CERS3: variants seen among roughly 807,000 people sequenced by gnomAD.
CERS3 encodes the protein ceramide synthase 3.
Under a neutral mutation model 50.3 loss-of-function variants are expected in CERS3, and 33 were observed. The ratio of observed to expected loss-of-function variants is 0.66; its 90% confidence interval spans 0.50 to 0.88. The LOEUF (loss-of-function observed/expected upper bound fraction) is 0.88, where lower values mean the gene tolerates loss of function less well. Ranked by LOEUF, CERS3 falls within the 40% of genes least tolerant of loss-of-function variation. The pLI is 0.00. For synonymous variants in CERS3, 176 were observed against 155.2 expected (o/e 1.13, Z -0.99); for missense variants, 470 against 460.3 (o/e 1.02, Z -0.19).
chr15:100,465,220 A>C (rs2034674591), intron 10 of CERS3, among the ~76,000 whole-genome samples: 1 of 152,070 alleles, frequency 6.6e-6, no homozygotes, highest in Non-Finnish European at 1.5e-5. Context: ...AAAATGTCTG[A>C]ATGGTGAAAT....
intron 2 of CERS3, among the ~76,000 whole-genome samples, chr15:100,503,049 T>C (rs1162014230): frequency 6.6e-6 from 1 of 152,254 alleles, no homozygotes; most frequent in Admixed American, 6.5e-5. Context: ...GATGTTTTAA[T>C]ATCATTGTTT....
chr15:100,434,832 C>G (rs1002348752), intron 11 of CERS3, among the ~76,000 whole-genome samples: 1 of 152,232 alleles, frequency 6.6e-6, no homozygotes, highest in East Asian at 1.9e-4. Flanking sequence ...GTCTGTTTCT[C>G]TACTAATAAA....
At chr15:100,434,967 C>A (rs893363645) in intron 11 of CERS3, among the ~76,000 whole-genome samples, 1 of 152,226 alleles carries the variant, frequency 6.6e-6, no homozygotes, top group East Asian at 1.9e-4. Flanking sequence ...CCCTCCCTCA[C>A]CCTCCTTTCC....
chr15:100,525,866 A>G (rs578111173), intron 1 of CERS3, among the ~76,000 whole-genome samples: 1 of 152,344 alleles, frequency 6.6e-6, no homozygotes, highest in East Asian at 1.9e-4. Flanking sequence ...GCCTTCTTTC[A>G]TACTGCCAAC....
chr15:100,429,861 C>T, intron 11 of CERS3, among the ~76,000 whole-genome samples: 1 of 152,110 alleles, frequency 6.6e-6, no homozygotes, highest in Non-Finnish European at 1.5e-5. Context: ...TTAATCTCCA[C>T]CAAAAGAAAA....
At chr15:100,536,184 T>C (rs566704928) in intron 1 of CERS3, among the ~76,000 whole-genome samples, 13 of 152,320 alleles carry the variant, frequency 8.5e-5, no homozygotes, top group Non-Finnish European at 1.8e-4. Flanking sequence ...GATATTCCTA[T>C]GCTCATATGT....
At chr15:100,428,312 T>A (rs1441371001) in intron 11 of CERS3, among the ~76,000 whole-genome samples, 1 of 152,254 alleles carries the variant, frequency 6.6e-6, no homozygotes, top group African/African-American at 2.4e-5. Flanking sequence ...TGTGTTTGGC[T>A]GTTCCTGCAT....
intron 11 of CERS3, among the ~76,000 whole-genome samples, chr15:100,403,948 G>A (rs1023277574): frequency 2.0e-5 from 3 of 152,234 alleles, no homozygotes; most frequent in African/African-American, 7.2e-5. Flanking sequence ...TCCTTGAGAT[G>A]AGAATAGTAT....
At chr15:100,418,241 C>T (rs1399785233) in intron 11 of CERS3, among the ~76,000 whole-genome samples, 1 of 152,022 alleles carries the variant, frequency 6.6e-6, no homozygotes, top group Non-Finnish European at 1.5e-5. Context: ...CTTAAAGGAG[C>T]TGATGGAGCT....
At chr15:100,453,548 T>C (rs1210759513) in intron 11 of CERS3, among the ~76,000 whole-genome samples, 1 of 152,194 alleles carries the variant, frequency 6.6e-6, no homozygotes, top group Non-Finnish European at 1.5e-5. Flanking sequence ...AACATCATAC[T>C]AAATGGTGAA....
chr15:100,449,681 C>A (rs778558680), intron 11 of CERS3, among the ~76,000 whole-genome samples: 6 of 152,190 alleles, frequency 3.9e-5, no homozygotes, highest in East Asian at 1.9e-4. Flanking sequence ...ATTGCATGCA[C>A]CCAGAATCAC....
intron 1 of CERS3, among the ~76,000 whole-genome samples, chr15:100,543,483 C>CTTCG: frequency 2.8e-5 from 1 of 35,838 alleles, no homozygotes; most frequent in Non-Finnish European, 6.5e-5. Flanking sequence ...CAAGAGAAGG[C>CTTCG]TTCCTTCCTT....
In CERS3 at chr15:100,506,244, GA is replaced by G. The variant is rs528450679; in HGVS notation, c.-1-4395del. On this transcript the variant is annotated intron_variant, in intron 2 of 11. Transcript: ENST00000679737. Reference sequence around the variant, plus strand: ...ATGTAAAGGACACTGACAACTCAATGAAAAAAAATGACGAATAATCCAGTTT... The same window carrying G: ...ATGTAAAGGACACTGACAACTCAATGAAAAAAATGACGAATAATCCAGTTT... 7.6e-4 allele frequency among the ~76,000 whole-genome samples: 116 copies of G among 151,942 alleles called. 2 individuals carry two copies. The South Asian group carries it at 0.024, about 31-fold the overall frequency.
intron 3 of CERS3, chr15:100,500,247 G>A (rs930056119): frequency 2.0e-5 from 3 of 152,218 alleles, no homozygotes; most frequent in Non-Finnish European, 4.4e-5. Context: ...GGCTGAGAGT[G>A]AGTTATTGGG....
rs1254249161 is a variant in CERS3, at chr15:100,401,121, C to G, written c.*1592G>C. 1 of 152,252 alleles carries G rather than the reference C, an allele frequency of 6.6e-6. No individual in the cohort carries two copies. Among genetic ancestry groups the G allele is most frequent in the African/African-American group, 2.4e-5 (1 of 41,466 alleles). 9.4% of individuals were successfully genotyped at this position (152,252 alleles called of 1,614,324 possible). ...TGTCCTTCCGGCTCCAGGGGCCCTG[C>G]AGCTGCTCTGCTTGGGGCTGATTTT... On this transcript the variant is annotated 3_prime_UTR_variant, in exon 12 of 12. Coordinates refer to ENST00000679737, the MANE Select transcript of CERS3 (RefSeq NM_001378789.1).
At chr15:100,405,310 G>A (rs1334775195) in intron 11 of CERS3, among the ~76,000 whole-genome samples, 2 of 148,672 alleles carry the variant, frequency 1.3e-5, no homozygotes, top group African/African-American at 5.0e-5. Flanking sequence ...CTTTATCAAA[G>A]AGGACACAGG....
At chr15:100,502,251 G>GAAAAAA (rs58654483) in intron 2 of CERS3, among the ~76,000 whole-genome samples, 15 of 113,674 alleles carry the variant, frequency 1.3e-4, no homozygotes, top group South Asian at 2.9e-4. Context: ...CTCAAAAAAA[G>GAAAAAA]AAAAAAAAAA....
chr15:100,440,108 C>T (rs2033613000), intron 11 of CERS3, among the ~76,000 whole-genome samples: 1 of 152,218 alleles, frequency 6.6e-6, no homozygotes, highest in South Asian at 2.1e-4. Flanking sequence ...ACAGGAGCTT[C>T]TGGAAGGCTG....
chr15:100,527,032 G>A (rs1299039438), intron 1 of CERS3, among the ~76,000 whole-genome samples: 5 of 152,284 alleles, frequency 3.3e-5, no homozygotes, highest in Admixed American at 2.6e-4. Flanking sequence ...GGTGGGTTAT[G>A]CCTGGAATCC....
Sources: gnomAD v4.1 joint callset for allele counts (sites outside exome capture counted in the v4.1 genomes callset) on GRCh38, gnomAD v4.1.1 for gene constraint, MANE v1.5 for transcripts, NCBI Gene and HGNC (gene_info 2026-07-23, HGNC 2026-07-21) for gene names.